DCAF8L2: variants seen among roughly 807,000 people sequenced by gnomAD.
DCAF8L2 encodes DDB1- and CUL4-associated factor 8-like protein 2.
For missense variants in DCAF8L2, 430 were observed against 490.7 expected (o/e 0.88, Z 1.17); for synonymous variants, 200 against 190.9 (o/e 1.05, Z -0.39).
chrX:27,533,176 A>AAGAGAGAGAGAGAGAGAGAGAGAGAGAG, the DCAF8L2 span, among the ~76,000 whole-genome samples: 1 of 14,851 alleles, frequency 6.7e-5, no homozygotes, highest in Admixed American at 8.8e-4. Context: ...GAAAGAAAGA[A>AAGAGAGAGAGAGAGAGAGAGAGAGAGAG]AGAAAGAAAG....
At chrX:27,621,333 A>C (rs1021744126) in intron 1 of DCAF8L2, among the ~76,000 whole-genome samples, 1 of 109,843 alleles carries the variant, frequency 9.1e-6, no homozygotes, top group Admixed American at 9.6e-5. Context: ...TACTTTGTCT[A>C]TACCAATAAA....
At chrX:27,730,671 G>A (rs1377719812) in intron 4 of DCAF8L2, among the ~76,000 whole-genome samples, 4 of 109,002 alleles carry the variant, frequency 3.7e-5, no homozygotes, top group African/African-American at 1.3e-4. Context: ...ATCCGCCAGG[G>A]CCTCCCAAAG....
chrX:27,531,271 G>A, the DCAF8L2 span, among the ~76,000 whole-genome samples: 91 of 111,495 alleles, frequency 8.2e-4, 1 homozygote, highest in African/African-American at 2.6e-3. Flanking sequence ...AAGCGGGCAT[G>A]TGCAGGGGAA....
the DCAF8L2 span, among the ~76,000 whole-genome samples, chrX:27,571,685 C>A: frequency 8.9e-6 from 1 of 111,795 alleles, no homozygotes; most frequent in African/African-American, 3.2e-5. Context: ...AATATTATGG[C>A]TTATTCCAGG....
In DCAF8L2 at chrX:27,715,709, C is replaced by A. The variant is rs374391048; in HGVS notation, c.-142-379C>A. Among the ~76,000 whole-genome samples, 25 of 111,341 alleles carry A rather than the reference C, an allele frequency of 2.2e-4. No homozygotes were observed. The East Asian group carries it at 7.1e-3, about 32-fold the overall frequency. On this transcript the variant is annotated intron_variant, in intron 3 of 4. Coordinates refer to ENST00000451261, the MANE Select transcript of DCAF8L2 (RefSeq NM_001353450.2). ...AAGTTATTGATGCAAAATAAAGTGGCCCAGGAAAAGAGCTTGGGGGCATCA... is the reference window on the plus strand; with the variant it reads ...AAGTTATTGATGCAAAATAAAGTGGACCAGGAAAAGAGCTTGGGGGCATCA...
chrX:27,646,729 G>A (rs973591056), intron 2 of DCAF8L2, among the ~76,000 whole-genome samples: 18 of 109,959 alleles, frequency 1.6e-4, no homozygotes, highest in Non-Finnish European at 1.7e-4. Flanking sequence ...ACCAACAACC[G>A]CATTAAAAAG....
At chrX:27,710,460 C>T (rs1931488337) in intron 3 of DCAF8L2, among the ~76,000 whole-genome samples, 1 of 111,447 alleles carries the variant, frequency 9.0e-6, no homozygotes, top group African/African-American at 3.3e-5. Context: ...ATTCTCTAAT[C>T]TGTTTGTCAG....
chrX:27,648,733 G>A (rs745507182), intron 2 of DCAF8L2, among the ~76,000 whole-genome samples: 1 of 110,923 alleles, frequency 9.0e-6, no homozygotes, highest in East Asian at 2.8e-4. Flanking sequence ...GGTGTTCGAG[G>A]CAGTTACTGA....
chrX:27,720,750 T>A (rs1431915865), intron 4 of DCAF8L2, among the ~76,000 whole-genome samples: 1 of 111,874 alleles, frequency 8.9e-6, no homozygotes, highest in African/African-American at 3.2e-5. Flanking sequence ...ATAGATCAAT[T>A]TGAGAAGAAC....
At chrX:27,479,263 T>C in the DCAF8L2 span, among the ~76,000 whole-genome samples, 11 of 110,987 alleles carry the variant, frequency 9.9e-5, no homozygotes, top group Non-Finnish European at 1.5e-4. Flanking sequence ...AGTCCAATAA[T>C]GTAAGTGAGC....
At chrX:27,631,135 T>A (rs1928270956) in intron 1 of DCAF8L2, among the ~76,000 whole-genome samples, 1 of 111,876 alleles carries the variant, frequency 8.9e-6, no homozygotes, top group Non-Finnish European at 1.9e-5. Flanking sequence ...ACGAAATTAA[T>A]ACTAAAAATC....
At chrX:27,585,053 T>G in the DCAF8L2 span, among the ~76,000 whole-genome samples, 14 of 49,660 alleles carry the variant, frequency 2.8e-4, no homozygotes, top group East Asian at 7.5e-3. Flanking sequence ...AACAATATTG[T>G]TTTTTTTTTC....
At chrX:27,479,121 C>G in the DCAF8L2 span, among the ~76,000 whole-genome samples, 1 of 110,830 alleles carries the variant, frequency 9.0e-6, no homozygotes, top group Non-Finnish European at 1.9e-5. Flanking sequence ...TGGTTTTTCT[C>G]TCCTGCTTGT....
intron 1 of DCAF8L2, among the ~76,000 whole-genome samples, chrX:27,616,234 GT>G (rs1256302169): frequency 4.5e-5 from 5 of 110,620 alleles, no homozygotes; most frequent in Non-Finnish European, 7.6e-5. Context: ...CTCTCAGTTT[GT>G]TTTTTTATGC....
the DCAF8L2 span, among the ~76,000 whole-genome samples, chrX:27,554,653 C>A: frequency 8.9e-6 from 1 of 111,817 alleles, no homozygotes; most frequent in African/African-American, 3.3e-5. Flanking sequence ...GAAAGCCATG[C>A]AGTCTGCAGC....
chrX:27,721,740 C>T (rs1931907519), intron 4 of DCAF8L2, among the ~76,000 whole-genome samples: 1 of 111,706 alleles, frequency 9.0e-6, no homozygotes, highest in Non-Finnish European at 1.9e-5. Context: ...TAAAAAATCA[C>T]TCACAAACTA....
At chrX:27,502,335 A>AAAAAAAAATATAT in the DCAF8L2 span, among the ~76,000 whole-genome samples, 16 of 12,690 alleles carry the variant, frequency 1.3e-3, no homozygotes, top group Non-Finnish European at 2.0e-3. Context: ...AAAAAAAAAA[A>AAAAAAAAATATAT]ATATATATAT....
At chrX:27,619,025 A>G (rs987350203) in intron 1 of DCAF8L2, among the ~76,000 whole-genome samples, 1 of 108,895 alleles carries the variant, frequency 9.2e-6, no homozygotes, top group African/African-American at 3.3e-5. Context: ...CTATCTATCT[A>G]TCTATCTATC....
At chrX:27,742,739 G>C (rs1417930008) in intron 4 of DCAF8L2, among the ~76,000 whole-genome samples, 1 of 111,898 alleles carries the variant, frequency 8.9e-6, no homozygotes, top group African/African-American at 3.2e-5. Flanking sequence ...TCTCTGGATA[G>C]TTACATACAT....
Sources: allele counts gnomAD v4.1 joint callset (sites outside exome capture counted in the v4.1 genomes callset), GRCh38; gene constraint gnomAD v4.1.1; transcripts MANE v1.5; gene names NCBI Gene and HGNC (gene_info 2026-07-23, HGNC 2026-07-21).